CC2D2A: variants seen among roughly 807,000 people sequenced by gnomAD.
CC2D2A encodes coiled-coil and C2 domain containing 2A, also known as coiled-coil and C2 domain-containing protein 2A.
A neutral mutation model predicts 212.9 loss-of-function variants in CC2D2A; 155 were observed. That is an observed-to-expected ratio of 0.73 (90% CI 0.64 to 0.83). The LOEUF (loss-of-function observed/expected upper bound fraction) is 0.83. CC2D2A is among the 40% of genes least tolerant of loss of function. CC2D2A has a pLI of 0.00. For missense variants in CC2D2A, 1,856 were observed against 1,956.2 expected (o/e 0.95, Z 0.97); for synonymous variants, 667 against 686.5 (o/e 0.97, Z 0.44).
intron 29 of CC2D2A, among the ~76,000 whole-genome samples, chr4:15,579,196 G>A (rs566856922): frequency 6.6e-6 from 1 of 152,116 alleles, no homozygotes; most frequent in African/African-American, 2.4e-5. Flanking sequence ...GGATGTAGTG[G>A]CTCACGCCTG....
intron 4 of CC2D2A, among the ~76,000 whole-genome samples, chr4:15,487,861 T>C (rs1294443611): frequency 6.6e-6 from 1 of 151,838 alleles, no homozygotes; most frequent in East Asian, 1.9e-4. Flanking sequence ...TAACATCTTA[T>C]AACCAGTTAT....
At chr4:15,506,806 G>GC (rs761955613) in intron 6 of CC2D2A, among the ~76,000 whole-genome samples, 1 of 152,082 alleles carries the variant, frequency 6.6e-6, no homozygotes, top group Non-Finnish European at 1.5e-5. Context: ...GGGTGCGGTG[G>GC]CTCTCGTCTG....
intron 1 of CC2D2A, among the ~76,000 whole-genome samples, chr4:15,470,695 ATATATAT>A (rs1713737055): frequency 5.8e-5 from 2 of 34,724 alleles, no homozygotes; most frequent in African/African-American, 2.9e-4. Flanking sequence ...CTCTCTATAT[ATATATAT>A]ATATATATAT....
intron 31 of CC2D2A, 135 bp downstream of exon 31, chr4:15,586,381 A>C: frequency 2.0e-6 from 1 of 502,978 alleles, no homozygotes; most frequent in Non-Finnish European, 3.4e-6. Flanking sequence ...ATATGAGCTA[A>C]ATTTTGAAGT....
intron 1 of CC2D2A, 49 bp from the exon 2 acceptor site, chr4:15,475,866 A>G (rs1714178793): frequency 1.5e-6 from 2 of 1,378,408 alleles, no homozygotes; most frequent in Non-Finnish European, 2.0e-6. Context: ...AAGAGAAGCA[A>G]TATTTCATTG....
chr4:15,544,723 T>C (rs1718623716), intron 17 of CC2D2A, among the ~76,000 whole-genome samples: 1 of 152,240 alleles, frequency 6.6e-6, no homozygotes. Flanking sequence ...CACACCAGTA[T>C]TTTATTTCAC....
At chr4:15,516,800 G>A in intron 11 of CC2D2A, 44 bp downstream of exon 11, 1 of 1,586,518 alleles carries the variant, frequency 6.3e-7, no homozygotes. Flanking sequence ...GAAATTGAAA[G>A]TGCTTTGCTT....
chr4:15,491,505 T>C (rs773451554), intron 4 of CC2D2A, among the ~76,000 whole-genome samples: 3 of 152,194 alleles, frequency 2.0e-5, no homozygotes. Context: ...CCTGGGCTCA[T>C]GTGATTCACT....
intron 30 of CC2D2A, among the ~76,000 whole-genome samples, chr4:15,583,716 G>A (rs979261603): frequency 2.0e-5 from 3 of 152,152 alleles, no homozygotes; most frequent in Non-Finnish European, 4.4e-5. Flanking sequence ...TTGGGAGGCC[G>A]AGGCGGGCGG....
chr4:15,550,999 T>G lies in CC2D2A; in HGVS notation c.2338+19T>G. On this transcript the variant is annotated intron_variant, in intron 18 of 36. Coordinates refer to ENST00000424120, the MANE Select transcript of CC2D2A (RefSeq NM_001378615.1). The stretch of plus-strand genomic sequence containing the variant: ...GGAAGTGGTATGGAAAGCTAATATC[T>G]TCAATGGTTCACTGTTTCATTGTCA... 6.5e-7 allele frequency: 1 copy of G among 1,545,170 alleles called. No individual in the cohort carries two copies. Among genetic ancestry groups the G allele is most frequent in the Non-Finnish European group, 8.9e-7 (1 of 1,128,560 alleles).
At chr4:15,593,004 T>C (rs1721177405) in intron 33 of CC2D2A, among the ~76,000 whole-genome samples, 1 of 152,262 alleles carries the variant, frequency 6.6e-6, no homozygotes, top group Admixed American at 6.5e-5. Flanking sequence ...ATCATACAGA[T>C]GCTATCTCTG....
chr4:15,572,633 A>G (rs944248770), intron 28 of CC2D2A, among the ~76,000 whole-genome samples: 1 of 151,788 alleles, frequency 6.6e-6, no homozygotes, highest in African/African-American at 2.4e-5. Context: ...TTATCTGGCC[A>G]AATATCTATA....
rs763735590 is a variant in CC2D2A at position 15,580,086 on chromosome 4, CTG to C, written c.3892_3893del (p.Val1298PhefsTer17). On this transcript the variant is annotated frameshift_variant, in exon 30 of 37. Coordinates refer to ENST00000424120, the MANE Select transcript of CC2D2A (RefSeq NM_001378615.1). LOFTEE classifies it high-confidence loss of function. ...ACAGTAATTGATATAAGCGGAAAAA[CTG>C]TTTTTATCACACGTTATCTCAAACC... is the stretch of plus-strand genomic sequence containing the variant. 9 of 1,613,926 alleles carry C rather than the reference CTG, an allele frequency of 5.6e-6. No homozygotes were observed. The highest frequency in any genetic ancestry group is 7.6e-6 in the Non-Finnish European group (9 of 1,179,866).
At chr4:15,598,760 T>C (rs868046164) in intron 35 of CC2D2A, among the ~76,000 whole-genome samples, 28 of 152,194 alleles carry the variant, frequency 1.8e-4, no homozygotes, top group African/African-American at 6.5e-4. Flanking sequence ...CACTAAGAGC[T>C]CCACAAATAT....
At chr4:15,583,828 G>C (rs1305687761) in intron 30 of CC2D2A, among the ~76,000 whole-genome samples, 1 of 152,042 alleles carries the variant, frequency 6.6e-6, no homozygotes, top group African/African-American at 2.4e-5. Flanking sequence ...GCGGGCACCT[G>C]TAGTCCCAGC....
rs1171520322 is a variant in CC2D2A, at chr4:15,537,071, GT to G, written c.1760del (p.Val587GlyfsTer31). On this transcript the variant is annotated frameshift_variant, in exon 15 of 37. Coordinates refer to ENST00000424120, the MANE Select transcript of CC2D2A (RefSeq NM_001378615.1). LOFTEE classifies it high-confidence loss of function. ...ACAACAGTGGAAGGCCTGGAGGAAA[GT>G]GCAAGTGTGTAAACAAACACTCAGC... ...SLQQWKAWRK[V>X]QRAKKKKRKQ... 2 of 1,613,258 alleles carry G rather than the reference GT, an allele frequency of 1.2e-6. No homozygotes were observed. The highest frequency in any genetic ancestry group is 1.7e-6 in the Non-Finnish European group (2 of 1,179,430).
chr4:15,497,107 T>C (rs533331418), intron 4 of CC2D2A, among the ~76,000 whole-genome samples: 4 of 152,258 alleles, frequency 2.6e-5, no homozygotes, highest in Admixed American at 2.6e-4. Flanking sequence ...ATAGCCAACA[T>C]GATCCTAAGC....
At chr4:15,559,391 C>G in intron 22 of CC2D2A, 134 bp downstream of exon 22, 1 of 603,644 alleles carries the variant, frequency 1.7e-6, no homozygotes, top group Non-Finnish European at 2.9e-6. Flanking sequence ...TCCTCATAAA[C>G]ACAAATATAT....
intron 1 of CC2D2A, 131 bp from the exon 2 acceptor site, chr4:15,475,784 T>C (rs1714171988): frequency 1.4e-6 from 1 of 721,700 alleles, no homozygotes; most frequent in South Asian, 1.6e-5. Flanking sequence ...CCAGGGTTCC[T>C]GGTGAGTGGA....
Sources: allele counts gnomAD v4.1 joint callset (sites outside exome capture counted in the v4.1 genomes callset), GRCh38; gene constraint gnomAD v4.1.1; transcripts MANE v1.5; gene names NCBI Gene and HGNC (gene_info 2026-07-23, HGNC 2026-07-21).